Variants in PTPRA observed in about 807,000 individuals in gnomAD.
PTPRA encodes the protein receptor-type tyrosine-protein phosphatase alpha.
Under a neutral mutation model 104.8 loss-of-function variants are expected in PTPRA, and 25 were observed. The observed-to-expected ratio is 0.24, with a 90% CI of 0.17 to 0.33. PTPRA has a LOEUF of 0.33. PTPRA is among the 10% of genes least tolerant of loss of function. PTPRA has a pLI of 1.00. For missense variants in PTPRA, 765 were observed against 1,015.3 expected (o/e 0.75, Z 3.35); for synonymous variants, 323 against 368.9 (o/e 0.88, Z 1.43).
At chr20:2,966,541 TC>T (rs1361113904) in intron 5 of PTPRA, among the ~76,000 whole-genome samples, 1 of 152,226 alleles carries the variant, frequency 6.6e-6, no homozygotes, top group African/African-American at 2.4e-5. Flanking sequence ...ATCCCACTAT[TC>T]TTGATGAGAT....
intron 2 of PTPRA, among the ~76,000 whole-genome samples, chr20:2,932,567 G>A (rs2060546339): frequency 6.6e-6 from 1 of 152,128 alleles, no homozygotes; most frequent in Non-Finnish European, 1.5e-5. Context: ...AAGGATGAGG[G>A]AATCTCTTCC....
At chr20:2,994,183 A>T (rs1181782828) in intron 9 of PTPRA, among the ~76,000 whole-genome samples, 1 of 152,190 alleles carries the variant, frequency 6.6e-6, no homozygotes, top group African/African-American at 2.4e-5. Flanking sequence ...TTAAGAAAAG[A>T]TGAGGAGGGA....
chr20:2,983,051 T>C (rs2062754821), intron 6 of PTPRA, among the ~76,000 whole-genome samples: 1 of 152,190 alleles, frequency 6.6e-6, no homozygotes, highest in South Asian at 2.1e-4. Context: ...CCAACAACTT[T>C]ACATGAAAGA....
intron 6 of PTPRA, among the ~76,000 whole-genome samples, chr20:2,983,368 C>T (rs947657966): frequency 3.3e-5 from 5 of 151,828 alleles, no homozygotes; most frequent in African/African-American, 9.7e-5. Flanking sequence ...TTGTTAGAGT[C>T]CAGGATAAGG....
chr20:2,926,882 C>T (rs929348157), intron 2 of PTPRA, among the ~76,000 whole-genome samples: 1 of 150,636 alleles, frequency 6.6e-6, no homozygotes, highest in Non-Finnish European at 1.5e-5. Context: ...CCTCTGCCTC[C>T]TAGGCTGAAG....
rs187257799 is a variant in PTPRA at position 2,964,320 on chromosome 20, A to T, written c.43A>T (p.Ile15Leu). 16 of 1,607,948 alleles carry T rather than the reference A, an allele frequency of 1.0e-5. No individual in the cohort carries two copies. In the East Asian group the frequency reaches 2.9e-4, roughly 29 times the overall value. The change falls in exon 4 of 24, where the codon ATA (isoleucine) becomes TTA (leucine). Residue 15 changes from isoleucine to leucine, a missense_variant. Ile to Leu is a conservative substitution (Grantham distance 5). This residue lies in a region of PTPRA where 256 missense variants were observed against 248.9 expected (regional missense o/e 1.03). Coordinates refer to ENST00000399903, the MANE Select transcript of PTPRA (RefSeq NM_001385305.1). ...FILVLLGSGL[I>L]CVSANNATTV... ...TCTTGTTCTGCTCGGCAGTGGTCTG[A>T]TATGTGTCAGTGCCAACAATGCTAC... is the stretch of plus-strand genomic sequence containing the variant.
chr20:2,993,898 C>G (rs1300865301), intron 9 of PTPRA, among the ~76,000 whole-genome samples: 1 of 152,302 alleles, frequency 6.6e-6, no homozygotes, highest in African/African-American at 2.4e-5. Flanking sequence ...CTTTCCCTCC[C>G]TTTTGGAGGC....
intron 6 of PTPRA, among the ~76,000 whole-genome samples, chr20:2,986,248 G>A (rs1290956772): frequency 6.6e-6 from 1 of 152,252 alleles, no homozygotes; most frequent in African/African-American, 2.4e-5. Flanking sequence ...TCTGTGCCCG[G>A]AAACCATTTG....
chr20:2,882,246 C>G (rs1425151090), intron 1 of PTPRA, among the ~76,000 whole-genome samples: 3 of 151,750 alleles, frequency 2.0e-5, no homozygotes, highest in African/African-American at 7.3e-5. Flanking sequence ...AAGCTTCTAG[C>G]ATGTCTCAGT....
intron 1 of PTPRA, among the ~76,000 whole-genome samples, chr20:2,880,305 T>A (rs928536803): frequency 1.3e-5 from 2 of 152,212 alleles, no homozygotes; most frequent in Non-Finnish European, 2.9e-5. Flanking sequence ...AACATTTAAT[T>A]TAGGAATTGT....
intron 11 of PTPRA, among the ~76,000 whole-genome samples, chr20:3,012,396 A>T (rs2064217291): frequency 6.6e-6 from 1 of 152,216 alleles, no homozygotes; most frequent in South Asian, 2.1e-4. Flanking sequence ...TTGGTGGTTG[A>T]TTTATATATG....
At chr20:2,881,435 A>T (rs1434165782) in intron 1 of PTPRA, among the ~76,000 whole-genome samples, 1 of 152,028 alleles carries the variant, frequency 6.6e-6, no homozygotes, top group Non-Finnish European at 1.5e-5. Context: ...TTTTTTTTGC[A>T]GTGATGTTTA....
the PTPRA span, chr20:2,864,288 G>A: frequency 6.2e-7 from 1 of 1,614,202 alleles, no homozygotes. This position sits in a 1 kb window ranked among gnomAD's most constrained non-coding sequence, Gnocchi z 5.2. Flanking sequence ...ACTGACCTGG[G>A]TGAGGGCAAG....
Position 2,986,860 on chromosome 20 carries a change from T to C in PTPRA, c.527+11T>C. ...TTTGTACATGTTAAGGTGAGCCTAC[T>C]AACACTTCACATTCTCTTAGATTCT... On this transcript the variant is annotated intron_variant, in intron 7 of 23. Coordinates refer to ENST00000399903, the MANE Select transcript of PTPRA (RefSeq NM_001385305.1). 1 of 1,584,388 alleles carries C rather than the reference T, an allele frequency of 6.3e-7. No individual in the cohort carries two copies. Among genetic ancestry groups the C allele is most frequent in the Middle Eastern group, 1.7e-4 (1 of 6,012 alleles).
intron 6 of PTPRA, among the ~76,000 whole-genome samples, chr20:2,983,748 A>C (rs530469270): frequency 2.6e-5 from 4 of 152,058 alleles, no homozygotes; most frequent in African/African-American, 9.7e-5. Context: ...GGTGAGGGAA[A>C]GGTTTTAAAC....
chr20:3,032,516 C>G (rs1290609434), intron 20 of PTPRA, among the ~76,000 whole-genome samples: 1 of 152,034 alleles, frequency 6.6e-6, no homozygotes, highest in African/African-American at 2.4e-5. Flanking sequence ...GCCTGTAATC[C>G]CAGCACTTTG....
intron 3 of PTPRA, among the ~76,000 whole-genome samples, chr20:2,959,791 C>T (rs996071358): frequency 1.3e-5 from 2 of 151,900 alleles, no homozygotes; most frequent in East Asian, 1.9e-4. Context: ...TGTCTACTAA[C>T]AATACACAAA....
At chr20:2,893,000 T>C (rs1016259322) in intron 1 of PTPRA, among the ~76,000 whole-genome samples, 7 of 152,226 alleles carry the variant, frequency 4.6e-5, no homozygotes, top group African/African-American at 1.7e-4. Context: ...TGAAGGAATT[T>C]CACTGTCAAT....
the PTPRA span, chr20:2,865,580 C>A: frequency 1.6e-6 from 2 of 1,242,258 alleles, no homozygotes; most frequent in Non-Finnish European, 2.3e-6. The surrounding 1 kb of genome is among the most constrained non-coding windows in gnomAD (Gnocchi z 5.2). Flanking sequence ...GATAGGATGG[C>A]CCGTTCATGC....
Sources: gnomAD v4.1 joint callset for allele counts (sites outside exome capture counted in the v4.1 genomes callset) on GRCh38, gnomAD v4.1.1 for gene constraint, gnomAD v4.1.1 regional missense constraint, Gnocchi (gnomAD v3.1) non-coding constraint, MANE v1.5 for transcripts, NCBI Gene and HGNC (gene_info 2026-07-23, HGNC 2026-07-21) for gene names.